MBOAT2: variants seen among roughly 807,000 people sequenced by gnomAD.
MBOAT2 encodes membrane bound glycerophospholipid O-acyltransferase 2.
Under a neutral mutation model 63.4 loss-of-function variants are expected in MBOAT2, and 28 were observed. The observed-to-expected ratio is 0.44, with a 90% confidence interval of 0.33 to 0.61. The LOEUF (loss-of-function observed/expected upper bound fraction) is 0.61. Ranked by LOEUF, MBOAT2 falls within the 20% of genes least tolerant of loss-of-function variation. The pLI is 0.03. For missense variants in MBOAT2, 470 were observed against 605.8 expected (o/e 0.78, Z 2.35); for synonymous variants, 211 against 215.6 (o/e 0.98, Z 0.19).
At chr2:8,859,050 G>T in intron 12 of MBOAT2, 146 bp from the exon 13 acceptor site, 1 of 659,980 alleles carries the variant, frequency 1.5e-6, no homozygotes, top group Admixed American at 3.0e-5. Flanking sequence ...TCCCCCTCAG[G>T]AGAAGAAACC....
chr2:9,002,268 C>T (rs542846143), intron 1 of MBOAT2, among the ~76,000 whole-genome samples: 3 of 152,100 alleles, frequency 2.0e-5, no homozygotes, highest in Non-Finnish European at 4.4e-5. Context: ...AAGTTATGAC[C>T]GCGATGTGGA....
At chr2:8,928,796 C>G (rs758895982) in intron 3 of MBOAT2, among the ~76,000 whole-genome samples, 15 of 152,116 alleles carry the variant, frequency 9.9e-5, no homozygotes, top group Non-Finnish European at 2.2e-4. Flanking sequence ...CATATAGACT[C>G]TGGAAAGACC....
chr2:8,858,765 A>G lies in MBOAT2; in HGVS notation c.1477T>C (p.Leu493=), dbSNP rs148555544. The part of the protein sequence containing the change: ...SKKFDEGENS[L]GQNSFSTTNN... Reference sequence around the variant, plus strand: ...GTTGTAGAAAAACTGTTCTGTCCCAAAGAATTTTCTCCTTCATCAAACTTT... The same window carrying G: ...GTTGTAGAAAAACTGTTCTGTCCCAGAGAATTTTCTCCTTCATCAAACTTT... The change falls in exon 13 of 13, where the codon TTG becomes CTG. Residue 493 remains leucine (L), a synonymous_variant. Transcript: ENST00000305997. 2.5e-6 allele frequency: 4 copies of G among 1,614,124 alleles called. No individual in the cohort carries two copies. The highest frequency in any genetic ancestry group is 1.1e-5 in the South Asian group (1 of 91,080).
chr2:8,975,797 CAA>C (rs75305828), intron 1 of MBOAT2, among the ~76,000 whole-genome samples: 19 of 60,678 alleles, frequency 3.1e-4, no homozygotes, highest in African/African-American at 7.8e-4. Flanking sequence ...ATGAACAATA[CAA>C]AAAAAAAAAA....
chr2:9,001,600 C>T (rs1672694973), intron 1 of MBOAT2, among the ~76,000 whole-genome samples: 2 of 152,114 alleles, frequency 1.3e-5, no homozygotes, highest in South Asian at 2.1e-4. Flanking sequence ...TAGAGTAGTC[C>T]CAAGGTACCA....
chr2:8,912,369 GAAAGAGAAAGAAAGAA>G lies in MBOAT2; in HGVS notation c.300-3669_300-3654del, dbSNP rs1263178321. Among the ~76,000 whole-genome samples the G allele has an allele frequency of 6.4e-3, 612 of 95,800 alleles. 1 individual carries two copies. The highest frequency in any genetic ancestry group is 0.012 in the African/African-American group (297 of 24,524). The allele number at this position is 95,800 out of a possible 152,430, so 62.8% of individuals were successfully genotyped here. A position where few individuals can be genotyped will look rare whatever the true frequency, so the allele number is the denominator to read the frequency against. On this transcript the variant is annotated intron_variant, in intron 3 of 12. Transcript: ENST00000305997. ...AAAGAAAGAGAAAGAAAGAAAGAAA[GAAAGAGAAAGAAAGAA>G]AGAAAGAAAGAAAGAAAGAAAGAAA...
chr2:8,866,908 C>T (rs190693968), intron 9 of MBOAT2, among the ~76,000 whole-genome samples: 21 of 152,306 alleles, frequency 1.4e-4, no homozygotes, highest in Admixed American at 6.5e-4. Flanking sequence ...TATGGCATCC[C>T]GTCTCGGGCA....
chr2:9,001,625 G>A (rs569438997), intron 1 of MBOAT2, among the ~76,000 whole-genome samples: 4 of 152,166 alleles, frequency 2.6e-5, no homozygotes, highest in Admixed American at 1.3e-4. Context: ...AAGACCTTTA[G>A]CTAATAAAGA....
intron 3 of MBOAT2, among the ~76,000 whole-genome samples, chr2:8,920,578 G>C (rs1558616461): frequency 6.6e-6 from 1 of 151,146 alleles, no homozygotes; most frequent in Non-Finnish European, 1.5e-5. Flanking sequence ...AAAACTGCCA[G>C]TGTTTCTGTT....
chr2:8,871,057 C>T (rs538825658), intron 8 of MBOAT2, among the ~76,000 whole-genome samples: 2 of 151,774 alleles, frequency 1.3e-5, no homozygotes, highest in Non-Finnish European at 2.9e-5. Context: ...TGTAATGGTG[C>T]GATCACAGCT....
At chr2:8,908,374 GC>G (rs539742883) in intron 4 of MBOAT2, 433 of 353,368 alleles carry the variant, frequency 1.2e-3, no homozygotes, top group African/African-American at 8.5e-3. Context: ...GACTGACCTA[GC>G]CCAAGGACCT....
At chr2:8,960,729 G>A (rs768713903) in intron 1 of MBOAT2, among the ~76,000 whole-genome samples, 9 of 152,118 alleles carry the variant, frequency 5.9e-5, no homozygotes, top group Non-Finnish European at 1.3e-4. Context: ...CATTGTCATC[G>A]TTCAGATAAA....
intron 4 of MBOAT2, among the ~76,000 whole-genome samples, chr2:8,907,728 A>C (rs1218420172): frequency 6.6e-6 from 1 of 152,120 alleles, no homozygotes; most frequent in Non-Finnish European, 1.5e-5. Context: ...ATTTCCTTTC[A>C]TCTGAACCTA....
chr2:8,887,389 G>A (rs1663638007), intron 5 of MBOAT2, among the ~76,000 whole-genome samples: 1 of 152,090 alleles, frequency 6.6e-6, no homozygotes, highest in Non-Finnish European at 1.5e-5. Context: ...ACAATAAGAG[G>A]GAAAACCTGC....
At chr2:8,881,619 A>T (rs1057292511) in intron 6 of MBOAT2, among the ~76,000 whole-genome samples, 2 of 152,192 alleles carry the variant, frequency 1.3e-5, no homozygotes, top group African/African-American at 4.8e-5. Context: ...CTGGGATGGC[A>T]CAAGGGCTCC....
rs1665814847 is a variant in MBOAT2, at chr2:8,912,359, A to AG, written c.300-3644_300-3643insC. 4.7e-4 allele frequency among the ~76,000 whole-genome samples: 49 copies of AG among 105,358 alleles called. 1 individual carries two copies. The highest frequency in any genetic ancestry group is 1.9e-3 in the African/African-American group (48 of 25,884). The allele number at this position is 105,358 out of a possible 152,430, so 69.1% of individuals were successfully genotyped here. On this transcript the variant is annotated intron_variant, in intron 3 of 12. Transcript: ENST00000305997. ...AGAAAGAAAGAAAGAAAGAGAAAGA[A>AG]AGAAAGAAAGAAAGAGAAAGAAAGA...
chr2:8,871,460 G>A (rs969550755), intron 8 of MBOAT2, among the ~76,000 whole-genome samples: 2 of 152,080 alleles, frequency 1.3e-5, no homozygotes, highest in Admixed American at 6.6e-5. Flanking sequence ...TGAATCTAGC[G>A]ATTCAACCAA....
At chr2:8,954,776 T>C (rs1606306) in intron 2 of MBOAT2, among the ~76,000 whole-genome samples, 1 of 151,720 alleles carries the variant, frequency 6.6e-6, no homozygotes, top group Non-Finnish European at 1.5e-5. Flanking sequence ...GAGCCTCACT[T>C]CACCATGATC....
chr2:8,862,368 G>C lies in MBOAT2; in HGVS notation c.1185+222C>G. 1 of 1,442,294 alleles carries C rather than the reference G, an allele frequency of 6.9e-7. No homozygotes were observed. The highest frequency in any genetic ancestry group is 9.2e-7 in the Non-Finnish European group (1 of 1,083,018). The allele number at this position is 1,442,294 out of a possible 1,614,324, so 89.3% of individuals were successfully genotyped here. ...TTTGTGAGTGCCTCCTACCTGCCGG[G>C]CACATAGAAACGTGTTTTCTCCTCA... On this transcript the variant is annotated intron_variant, in intron 11 of 12. Transcript: ENST00000305997. The surrounding 1 kb of genome is among the most constrained non-coding windows in gnomAD (Gnocchi z 4.3).
Sources: allele counts gnomAD v4.1 joint callset (sites outside exome capture counted in the v4.1 genomes callset), GRCh38; gene constraint gnomAD v4.1.1; non-coding constraint Gnocchi (gnomAD v3.1); transcripts MANE v1.5; gene names NCBI Gene and HGNC (gene_info 2026-07-23, HGNC 2026-07-21).